The following PAQR8 variants were observed in gnomAD, a reference collection of about 807,000 sequenced individuals.
The protein encoded by PAQR8 is progestin and adipoQ receptor family member 8.
A neutral mutation model predicts 25.2 loss-of-function variants in PAQR8; 17 were observed. The observed-to-expected ratio is 0.67, with a 90% CI of 0.46 to 1.01. The LOEUF (loss-of-function observed/expected upper bound fraction) is 1.01. Among genes scored for constraint, PAQR8 ranks in the 50% least tolerant of loss-of-function variants. The pLI is 0.00. For missense variants in PAQR8, 392 were observed against 448.4 expected, an observed-to-expected ratio of 0.87 and a Z score of 1.14; for synonymous variants, 204 against 190.6, an observed-to-expected ratio of 1.07 and a Z score of -0.58.
At position 52,406,469 on chromosome 6, in the gene PAQR8, C is replaced by T. The variant is rs1763911376; in HGVS notation, c.*2191C>T. 2.4e-6 allele frequency: 1 copy of T among 413,356 alleles called. No homozygotes were observed. Among genetic ancestry groups the T allele is most frequent in the Non-Finnish European group, 4.4e-6 (1 of 226,154 alleles). 25.6% of individuals were successfully genotyped at this position (413,356 alleles called of 1,614,324 possible). A position where few individuals can be genotyped will look rare whatever the true frequency, so the allele number is the denominator to read the frequency against. On this transcript the variant is annotated 3_prime_UTR_variant, in exon 2 of 2. Coordinates refer to ENST00000442253, the MANE Select transcript of PAQR8 (RefSeq NM_133367.5). ...TGCCAATCTGAACATTGTTAATGGC[C>T]TGTGACATGATGAGCACAGGAACAG...
Position 52,379,096 on chromosome 6 carries a change from CAAAAA to C in PAQR8, c.-53+16865_-53+16869del, listed in dbSNP as rs70977347. On this transcript the variant is annotated intron_variant, in intron 1 of 1. Coordinates refer to ENST00000442253, the MANE Select transcript of PAQR8 (RefSeq NM_133367.5). ...TGAGTGACAAAGCAATACTCTTTAT[CAAAAA>C]AAAAAAAAAAAAAAAAAGGAAATTC... 1.1e-4 allele frequency among the ~76,000 whole-genome samples: 10 copies of C among 92,990 alleles called. No individual in the cohort carries two copies. In the South Asian group the frequency reaches 2.9e-3, roughly 27 times the overall value. The allele number at this position is 92,990 out of a possible 152,430, so 61.0% of individuals were successfully genotyped here. A position where few individuals can be genotyped will look rare whatever the true frequency, so the allele number is the denominator to read the frequency against.
intron 1 of PAQR8, among the ~76,000 whole-genome samples, chr6:52,392,130 T>C (rs561191150): frequency 6.6e-6 from 1 of 152,024 alleles, no homozygotes. Flanking sequence ...TTGCCTGAGC[T>C]CAGGAGTTCG....
chr6:52,395,336 T>A (rs945569404), intron 1 of PAQR8, among the ~76,000 whole-genome samples: 52 of 152,032 alleles, frequency 3.4e-4, no homozygotes, highest in African/African-American at 1.0e-3. Flanking sequence ...CAACATTTTT[T>A]AACACTTTCT....
At chr6:52,364,228 T>C (rs1269273876) in intron 1 of PAQR8, among the ~76,000 whole-genome samples, 1 of 152,066 alleles carries the variant, frequency 6.6e-6, no homozygotes, top group East Asian at 1.9e-4. Flanking sequence ...GTTGGGTCTG[T>C]TTTTAATTCA....
At chr6:52,393,475 A>T (rs1339234927) in intron 1 of PAQR8, among the ~76,000 whole-genome samples, 1 of 151,542 alleles carries the variant, frequency 6.6e-6, no homozygotes, top group African/African-American at 2.4e-5. Context: ...AATTGGGACT[A>T]CAGGTGTGCG....
chr6:52,399,909 C>T (rs1362188280), intron 1 of PAQR8, among the ~76,000 whole-genome samples: 9 of 152,194 alleles, frequency 5.9e-5, no homozygotes, highest in Non-Finnish European at 1.0e-4. Flanking sequence ...TCCTGTAGTT[C>T]GTCCACCAAG....
At chr6:52,371,527 T>C (rs928129685) in intron 1 of PAQR8, among the ~76,000 whole-genome samples, 11 of 152,128 alleles carry the variant, frequency 7.2e-5, no homozygotes, top group Admixed American at 3.3e-4. Context: ...TACATCCATC[T>C]CTGTGGAAAA....
At chr6:52,391,171 T>C (rs1341384380) in intron 1 of PAQR8, among the ~76,000 whole-genome samples, 3 of 152,254 alleles carry the variant, frequency 2.0e-5, no homozygotes, top group South Asian at 2.1e-4. Flanking sequence ...TTCCTTTACA[T>C]GTCTTTGACT....
At chr6:52,379,334 C>G (rs1250748533) in intron 1 of PAQR8, among the ~76,000 whole-genome samples, 1 of 152,124 alleles carries the variant, frequency 6.6e-6, no homozygotes, top group Non-Finnish European at 1.5e-5. Context: ...TACAGAGTTT[C>G]AGTTTTGCAA....
At chr6:52,399,922 C>T (rs1455525958) in intron 1 of PAQR8, among the ~76,000 whole-genome samples, 5 of 152,202 alleles carry the variant, frequency 3.3e-5, no homozygotes, top group Non-Finnish European at 7.3e-5. Context: ...CCACCAAGGT[C>T]AGTTGGAGAA....
In PAQR8 at chr6:52,366,724, A is replaced by G. The variant is rs565205479; in HGVS notation, c.-53+4475A>G. On this transcript the variant is annotated intron_variant, in intron 1 of 1. Transcript: ENST00000442253. ...TGTACTTGTAAAGGACCAGGAAACA[A>G]TATACATTGTGGCTTAGACTGGAGC... Among the ~76,000 whole-genome samples the G allele has an allele frequency of 3.9e-5, 6 of 152,100 alleles. No individual in the cohort carries two copies. In the South Asian group the frequency reaches 1.2e-3, roughly 32 times the overall value.
intron 1 of PAQR8, among the ~76,000 whole-genome samples, chr6:52,388,104 G>A (rs567871089): frequency 1.9e-4 from 29 of 152,254 alleles, no homozygotes; most frequent in African/African-American, 4.3e-4. Context: ...GGCTGGATCC[G>A]GTAGCTCATG....
chr6:52,406,267 C>T lies in PAQR8; in HGVS notation c.*1989C>T, dbSNP rs761740601. 2.8e-5 allele frequency: 11 copies of T among 399,212 alleles called. No homozygotes were observed. Among genetic ancestry groups the T allele is most frequent in the Non-Finnish European group, 5.0e-5 (11 of 217,956 alleles). 24.7% of individuals were successfully genotyped at this position (399,212 alleles called of 1,614,324 possible). A position where few individuals can be genotyped will look rare whatever the true frequency, so the allele number is the denominator to read the frequency against. On this transcript the variant is annotated 3_prime_UTR_variant, in exon 2 of 2. Transcript: ENST00000442253. ...GTTTTCTTTATTACGGATTCAAAGA[C>T]TTATTTTGAAAGTTGGAAGGAGAAG... is the stretch of plus-strand genomic sequence containing the variant.
At chr6:52,397,017 A>T (rs1240709932) in intron 1 of PAQR8, among the ~76,000 whole-genome samples, 1 of 152,168 alleles carries the variant, frequency 6.6e-6, no homozygotes, top group Non-Finnish European at 1.5e-5. Context: ...GGGGGCAGAT[A>T]CCACAATTGA....
chr6:52,363,170 C>T (rs916712508), intron 1 of PAQR8, among the ~76,000 whole-genome samples: 10 of 152,082 alleles, frequency 6.6e-5, no homozygotes, highest in African/African-American at 2.4e-4. Context: ...TATTCGGAGC[C>T]TGGGTTTGGG....
chr6:52,364,083 G>GTTTTTTGTTT (rs1763322537), intron 1 of PAQR8, among the ~76,000 whole-genome samples: 1 of 84,268 alleles, frequency 1.2e-5, no homozygotes, highest in Non-Finnish European at 2.2e-5. Context: ...TGAAAGATAT[G>GTTTTTTGTTT]TTTTTTTTTT....
chr6:52,403,065 C>T (rs1037768068), intron 1 of PAQR8, 97 bp from the exon 2 acceptor site: 3 of 682,158 alleles, frequency 4.4e-6, no homozygotes, highest in African/African-American at 1.8e-5. Context: ...AGTGATACCC[C>T]GTCTCAAAAG....
Position 52,406,579 on chromosome 6 carries a change from CT to C in PAQR8, c.*2302del, listed in dbSNP as rs1275668974. On this transcript the variant is annotated 3_prime_UTR_variant, in exon 2 of 2. Coordinates refer to ENST00000442253, the MANE Select transcript of PAQR8 (RefSeq NM_133367.5). ...GAAATTTTTTTTTTAATCTCTTTTT[CT>C]GAGACAGGGTCTTACTCTGTCGCCC... 3 of 412,850 alleles carry C rather than the reference CT, an allele frequency of 7.3e-6. No homozygotes were observed. Among genetic ancestry groups the C allele is most frequent in the Non-Finnish European group, 1.3e-5 (3 of 226,090 alleles). The allele number at this position is 412,850 out of a possible 1,614,324, so 25.6% of individuals were successfully genotyped here.
intron 1 of PAQR8, among the ~76,000 whole-genome samples, chr6:52,381,807 A>G (rs1372359574): frequency 6.6e-6 from 1 of 152,244 alleles, no homozygotes; most frequent in African/African-American, 2.4e-5. Context: ...ACAGCTCTCT[A>G]TGGGCATTTA....
Sources: gnomAD v4.1 joint callset for allele counts (sites outside exome capture counted in the v4.1 genomes callset) on GRCh38, gnomAD v4.1.1 for gene constraint, MANE v1.5 for transcripts, NCBI Gene and HGNC (gene_info 2026-07-23, HGNC 2026-07-21) for gene names.